The following CCDC73 variants were observed in gnomAD, a reference collection of about 807,000 sequenced individuals.
CCDC73 encodes coiled-coil domain-containing protein 73.
A neutral mutation model predicts 116.5 loss-of-function variants in CCDC73; 95 were observed. The ratio of observed to expected loss-of-function variants is 0.82; its 90% CI spans 0.69 to 0.97. The LOEUF (loss-of-function observed/expected upper bound fraction) is 0.97, where lower values mean the gene tolerates loss of function less well. Ranked by LOEUF, CCDC73 falls within the 50% of genes least tolerant of loss-of-function variation. The pLI is 0.00. For missense variants in CCDC73, 1,066 were observed against 1,206.8 expected (o/e 0.88, Z 1.73); for synonymous variants, 398 against 401.3 (o/e 0.99, Z 0.10).
chr11:32,744,524 A>C (rs1183192392), intron 2 of CCDC73, among the ~76,000 whole-genome samples: 1 of 152,204 alleles, frequency 6.6e-6, no homozygotes, highest in Non-Finnish European at 1.5e-5. Flanking sequence ...TTCGGCTGTG[A>C]ATCCGTCTGG....
chr11:32,830,291 A>G, the CCDC73 span: 1 of 865,542 alleles, frequency 1.2e-6, no homozygotes, highest in Non-Finnish European at 1.5e-6. Flanking sequence ...CAGGTGCCCG[A>G]TCAGCCCTCG....
At chr11:32,748,924 C>T (rs1353858040) in intron 2 of CCDC73, among the ~76,000 whole-genome samples, 1 of 152,100 alleles carries the variant, frequency 6.6e-6, no homozygotes, top group African/African-American at 2.4e-5. Flanking sequence ...TATTGGAGCT[C>T]CATGTATGTT....
chr11:32,651,334 C>G (rs1306959666), intron 12 of CCDC73, among the ~76,000 whole-genome samples: 1 of 152,218 alleles, frequency 6.6e-6, no homozygotes, highest in Non-Finnish European at 1.5e-5. Context: ...GCAACAAAGA[C>G]AACTGTTGTT....
At chr11:32,813,899 C>T in the CCDC73 span, among the ~76,000 whole-genome samples, 30 of 152,194 alleles carry the variant, frequency 2.0e-4, no homozygotes, top group Non-Finnish European at 5.9e-5. Flanking sequence ...CTTTTCCAAT[C>T]GATTTTAGAA....
intron 2 of CCDC73, chr11:32,758,701 G>A: frequency 4.5e-6 from 1 of 220,840 alleles, no homozygotes; most frequent in Non-Finnish European, 9.3e-6. Flanking sequence ...AATTTTTAAA[G>A]GAAGCATATT....
intron 14 of CCDC73, among the ~76,000 whole-genome samples, chr11:32,628,826 T>G (rs1855600058): frequency 6.6e-6 from 1 of 152,220 alleles, no homozygotes; most frequent in South Asian, 2.1e-4. Context: ...ATGTCACTAT[T>G]TATAATGTAA....
intron 1 of CCDC73, among the ~76,000 whole-genome samples, chr11:32,778,913 T>A (rs1320564141): frequency 1.3e-5 from 2 of 152,100 alleles, no homozygotes; most frequent in Non-Finnish European, 2.9e-5. Context: ...CTCCACTTGG[T>A]AAACTTTAAA....
chr11:32,630,720 T>C (rs1002662017), intron 14 of CCDC73, among the ~76,000 whole-genome samples: 1 of 151,974 alleles, frequency 6.6e-6, no homozygotes, highest in Non-Finnish European at 1.5e-5. Context: ...ACTATACACA[T>C]AAAAATGGTT....
At chr11:32,813,337 G>A in the CCDC73 span, among the ~76,000 whole-genome samples, 1 of 151,414 alleles carries the variant, frequency 6.6e-6, no homozygotes, top group African/African-American at 2.4e-5. Flanking sequence ...TTTTTCTGCA[G>A]CCTCAACCTC....
chr11:32,700,910 T>C, intron 4 of CCDC73, 84 bp from the exon 5 acceptor site: 1 of 526,168 alleles, frequency 1.9e-6, no homozygotes, highest in Non-Finnish European at 3.3e-6. Flanking sequence ...AGAAACACTT[T>C]ACACATCTAT....
At chr11:32,660,724 A>G (rs545747734) in intron 9 of CCDC73, among the ~76,000 whole-genome samples, 1 of 152,082 alleles carries the variant, frequency 6.6e-6, no homozygotes, top group African/African-American at 2.4e-5. Context: ...CAGGAGGCTG[A>G]GGTAGGAGGA....
intron 12 of CCDC73, among the ~76,000 whole-genome samples, chr11:32,647,614 T>C (rs769131336): frequency 5.9e-5 from 9 of 152,184 alleles, no homozygotes; most frequent in Non-Finnish European, 1.2e-4. Flanking sequence ...GGCTGAGCTA[T>C]TTCACTGGGA....
chr11:32,734,629 A>C (rs555133725), intron 2 of CCDC73, among the ~76,000 whole-genome samples: 10 of 152,076 alleles, frequency 6.6e-5, no homozygotes, highest in African/African-American at 1.4e-4. Context: ...GATGACTCTT[A>C]AGGAGCATGC....
At chr11:32,616,177 T>TA in intron 14 of CCDC73, 48 bp from the exon 15 acceptor site, 1 of 1,497,122 alleles carries the variant, frequency 6.7e-7, no homozygotes, top group Non-Finnish European at 9.0e-7. Flanking sequence ...CCTACAAGTA[T>TA]AAAACATTTG....
Position 32,615,977 on chromosome 11 carries a change from T to G in CCDC73, c.1338A>C (p.Lys446Asn), listed in dbSNP as rs1419519172. ...TTTCCTCTATAAATGAGCCTTCTTTTTTTTCTTCTTTTTCTCTGTATTCAG... is the reference window on the plus strand; with the variant it reads ...TTTCCTCTATAAATGAGCCTTCTTTGTTTTCTTCTTTTTCTCTGTATTCAG... Reference protein sequence around the residue: ...SDTEYREKEEKKEGSFIEEII... With the variant: ...SDTEYREKEENKEGSFIEEII... The change falls in exon 15 of 18, where the codon AAA (lysine) becomes AAC (asparagine). Residue 446 changes from lysine (K) to asparagine (N), a missense_variant. By Grantham distance (94) the Lys-to-Asn change is moderately conservative. Coordinates refer to ENST00000335185, the MANE Select transcript of CCDC73 (RefSeq NM_001008391.4). 1 of 1,585,818 alleles carries G rather than the reference T, an allele frequency of 6.3e-7. No homozygotes were observed. The highest frequency in any genetic ancestry group is 1.1e-5 in the South Asian group (1 of 86,982).
intron 1 of CCDC73, among the ~76,000 whole-genome samples, chr11:32,764,486 ACCC>A (rs1850422385): frequency 6.6e-6 from 1 of 152,220 alleles, no homozygotes; most frequent in South Asian, 2.1e-4. Context: ...AGAATTTTCA[ACCC>A]AGAATTTCAT....
intron 6 of CCDC73, among the ~76,000 whole-genome samples, chr11:32,686,275 A>T (rs1266400428): frequency 6.6e-6 from 1 of 150,992 alleles, no homozygotes; most frequent in South Asian, 2.1e-4. Flanking sequence ...AGGATGGAAA[A>T]GATTAAATAA....
chr11:32,651,002 G>C (rs1249102422), intron 12 of CCDC73, among the ~76,000 whole-genome samples: 1 of 151,978 alleles, frequency 6.6e-6, no homozygotes, highest in Non-Finnish European at 1.5e-5. Flanking sequence ...GATCCCCTAG[G>C]CTTGGGGATA....
intron 7 of CCDC73, among the ~76,000 whole-genome samples, chr11:32,676,344 GA>G (rs1004027262): frequency 2.6e-5 from 4 of 152,094 alleles, no homozygotes; most frequent in African/African-American, 9.7e-5. Flanking sequence ...AAAGTGAGGA[GA>G]AAAAGCAATA....
Sources: gnomAD v4.1 joint callset for allele counts (sites outside exome capture counted in the v4.1 genomes callset) on GRCh38, gnomAD v4.1.1 for gene constraint, MANE v1.5 for transcripts, NCBI Gene and HGNC (gene_info 2026-07-23, HGNC 2026-07-21) for gene names.